GRB14: variants seen among roughly 807,000 people sequenced by gnomAD.
GRB14 encodes the protein growth factor receptor-bound protein 14.
GRB14 carries 38 observed loss-of-function variants against 69.1 expected under a neutral mutation model. The ratio of observed to expected loss-of-function variants is 0.55; its 90% CI spans 0.42 to 0.72. GRB14 has a LOEUF of 0.72. Ranked by LOEUF, GRB14 falls within the 30% of genes least tolerant of loss-of-function variation. The pLI, the probability that GRB14 is intolerant of heterozygous loss-of-function variation, is 0.00. For synonymous variants in GRB14, 247 were observed against 241.3 expected, an observed-to-expected ratio of 1.02 and a Z score of -0.22; for missense variants, 666 against 666.1, an observed-to-expected ratio of 1.00 and a Z score of 0.00.
At chr2:164,581,723 A>G (rs866729419) in intron 2 of GRB14, among the ~76,000 whole-genome samples, 1 of 152,310 alleles carries the variant, frequency 6.6e-6, no homozygotes, top group South Asian at 2.1e-4. Context: ...AGCAAGGGGA[A>G]ATAATATATG....
chr2:164,573,825 C>G (rs1356162597), intron 2 of GRB14: 1 of 1,612,728 alleles, frequency 6.2e-7, no homozygotes, highest in Non-Finnish European at 8.5e-7. Flanking sequence ...TTGAACATGA[C>G]TCCAGAAGAA....
chr2:164,536,423 C>CT (rs1268030628), intron 3 of GRB14, among the ~76,000 whole-genome samples: 21 of 151,810 alleles, frequency 1.4e-4, no homozygotes, highest in African/African-American at 5.1e-4. Flanking sequence ...GTGTTTATTT[C>CT]TTTTTTCTGA....
At chr2:164,506,736 G>A (rs934024373) in intron 8 of GRB14, among the ~76,000 whole-genome samples, 3 of 152,040 alleles carry the variant, frequency 2.0e-5, no homozygotes, top group African/African-American at 7.2e-5. Flanking sequence ...GATAAACTGT[G>A]TTTATCCAAC....
intron 2 of GRB14, among the ~76,000 whole-genome samples, chr2:164,608,597 A>G (rs12692727): frequency 6.6e-6 from 1 of 151,810 alleles, no homozygotes; most frequent in Non-Finnish European, 1.5e-5. Context: ...AAAAGAAAAA[A>G]GAAAAAAAGT....
At chr2:164,565,800 A>G (rs1416227412) in intron 2 of GRB14, among the ~76,000 whole-genome samples, 3 of 152,212 alleles carry the variant, frequency 2.0e-5, no homozygotes, top group African/African-American at 7.2e-5. Flanking sequence ...AATTTACTTG[A>G]TAGAGAATCT....
intron 3 of GRB14, among the ~76,000 whole-genome samples, chr2:164,533,581 C>T (rs1346548670): frequency 6.6e-6 from 1 of 152,128 alleles, no homozygotes; most frequent in Non-Finnish European, 1.5e-5. Context: ...AAGTAAATCA[C>T]ATTTTAAGTG....
At chr2:164,527,951 G>A (rs1220288085) in intron 3 of GRB14, among the ~76,000 whole-genome samples, 3 of 152,014 alleles carry the variant, frequency 2.0e-5, no homozygotes, top group Admixed American at 1.3e-4. Context: ...CCACTGACAT[G>A]AGAATGAACA....
At chr2:164,564,170 T>G (rs1274347238) in intron 2 of GRB14, among the ~76,000 whole-genome samples, 1 of 152,176 alleles carries the variant, frequency 6.6e-6, no homozygotes, top group Non-Finnish European at 1.5e-5. Context: ...CAAATGAGCC[T>G]GGTGTTGTCT....
chr2:164,498,213 C>T (rs1448418984), intron 9 of GRB14, among the ~76,000 whole-genome samples: 1 of 151,974 alleles, frequency 6.6e-6, no homozygotes, highest in African/African-American at 2.4e-5. Context: ...TACACTTGGC[C>T]ACATGAGGGC....
intron 2 of GRB14, among the ~76,000 whole-genome samples, chr2:164,616,782 CTAAA>C (rs1690308879): frequency 6.6e-6 from 1 of 152,116 alleles, no homozygotes; most frequent in Non-Finnish European, 1.5e-5. Context: ...AAAAGAATCA[CTAAA>C]ATGACTGGAA....
At chr2:164,511,211 C>T (rs1254184499) in intron 6 of GRB14, among the ~76,000 whole-genome samples, 1 of 152,140 alleles carries the variant, frequency 6.6e-6, no homozygotes, top group Non-Finnish European at 1.5e-5. Context: ...TAAGCAAGTC[C>T]TAGTGATGAG....
intron 2 of GRB14, among the ~76,000 whole-genome samples, chr2:164,579,640 C>T (rs560866682): frequency 6.6e-6 from 1 of 152,186 alleles, no homozygotes; most frequent in East Asian, 1.9e-4. Flanking sequence ...CATAGACATA[C>T]AGAGAAAGTG....
chr2:164,563,738 C>T (rs866364791), intron 2 of GRB14, among the ~76,000 whole-genome samples: 1 of 152,152 alleles, frequency 6.6e-6, no homozygotes, highest in Non-Finnish European at 1.5e-5. Flanking sequence ...CTCCTTAATC[C>T]ACAGTCCTTT....
chr2:164,555,336 C>T (rs988525476), intron 2 of GRB14, among the ~76,000 whole-genome samples: 2 of 152,106 alleles, frequency 1.3e-5, no homozygotes, highest in African/African-American at 4.8e-5. Flanking sequence ...TTAATTATGC[C>T]ATAGGTTTGC....
intron 2 of GRB14, among the ~76,000 whole-genome samples, chr2:164,618,846 C>T (rs1558887560): frequency 6.6e-6 from 1 of 152,156 alleles, no homozygotes; most frequent in Non-Finnish European, 1.5e-5. Flanking sequence ...ATCCTTCTCC[C>T]ATTTCAAGTA....
At chr2:164,521,555 G>A (rs947028250) in intron 6 of GRB14, among the ~76,000 whole-genome samples, 1 of 152,000 alleles carries the variant, frequency 6.6e-6, no homozygotes, top group Non-Finnish European at 1.5e-5. Flanking sequence ...AAATGACTCA[G>A]AAGAGACATT....
chr2:164,604,888 T>C (rs551599945), intron 2 of GRB14, among the ~76,000 whole-genome samples: 15 of 152,260 alleles, frequency 9.9e-5, no homozygotes, highest in African/African-American at 2.9e-4. Flanking sequence ...GTCTATTCAA[T>C]GGGTATAGAA....
intron 9 of GRB14, among the ~76,000 whole-genome samples, chr2:164,499,650 CT>C (rs886860971): frequency 6.6e-6 from 1 of 151,984 alleles, no homozygotes; most frequent in Non-Finnish European, 1.5e-5. Context: ...GACTTTCTTT[CT>C]TTTTAAGAAA....
intron 8 of GRB14, 29 bp from the exon 9 acceptor site, chr2:164,502,364 C>T (rs778315368): frequency 5.1e-6 from 6 of 1,179,088 alleles, no homozygotes; most frequent in Admixed American, 3.4e-5. Context: ...AAACACATTC[C>T]CACCACTTTT....
Sources: gnomAD v4.1 joint callset for allele counts (sites outside exome capture counted in the v4.1 genomes callset) on GRCh38, gnomAD v4.1.1 for gene constraint, MANE v1.5 for transcripts, NCBI Gene and HGNC (gene_info 2026-07-23, HGNC 2026-07-21) for gene names.